Variants in ERBB4 observed in about 807,000 individuals in gnomAD.
ERBB4 encodes receptor tyrosine-protein kinase erbB-4.
ERBB4 carries 42 observed loss-of-function variants against 158.0 expected under a neutral mutation model. The observed-to-expected ratio is 0.27, with a 90% CI of 0.21 to 0.34. The LOEUF (loss-of-function observed/expected upper bound fraction) is 0.34, where lower values mean the gene tolerates loss of function less well. Among genes scored for constraint, ERBB4 ranks in the 10% least tolerant of loss-of-function variants. The probability of loss-of-function intolerance (pLI) is 1.00; values close to 1 mark genes in which losing one functional copy is unlikely to be tolerated. For synonymous variants in ERBB4, 583 were observed against 558.7 expected, an observed-to-expected ratio of 1.04 and a Z score of -0.61; for missense variants, 1,333 against 1,624.1, an observed-to-expected ratio of 0.82 and a Z score of 3.08.
chr2:212,443,204 G>C (rs2092288171), intron 1 of ERBB4, among the ~76,000 whole-genome samples: 1 of 152,154 alleles, frequency 6.6e-6, no homozygotes, highest in Non-Finnish European at 1.5e-5. Flanking sequence ...CTCCCGCTTT[G>C]TGTCATAATC....
chr2:212,325,143 A>AT (rs780729961), intron 1 of ERBB4, among the ~76,000 whole-genome samples: 15 of 150,712 alleles, frequency 1.0e-4, no homozygotes, highest in Non-Finnish European at 1.6e-4. Flanking sequence ...AATTTTATTT[A>AT]TTTTTTGAAG....
chr2:212,131,284 C>T (rs990738490), intron 1 of ERBB4, among the ~76,000 whole-genome samples: 11 of 152,244 alleles, frequency 7.2e-5, no homozygotes, highest in East Asian at 5.8e-4. Flanking sequence ...TTAATTAATT[C>T]GCAACCCAGA....
chr2:212,537,655 C>T (rs956088259), intron 1 of ERBB4, among the ~76,000 whole-genome samples: 10 of 152,044 alleles, frequency 6.6e-5, no homozygotes, highest in Admixed American at 6.6e-4. Context: ...AGGACTCCGG[C>T]CAATAGCAAG....
intron 20 of ERBB4, among the ~76,000 whole-genome samples, chr2:211,560,634 T>C (rs16846432): frequency 1.0e-3 from 155 of 152,284 alleles, no homozygotes; most frequent in African/African-American, 3.6e-3. Context: ...CTATTGCATA[T>C]TTAACTCACC....
At chr2:211,423,238 G>A (rs1371764255) in intron 23 of ERBB4, among the ~76,000 whole-genome samples, 2 of 151,922 alleles carry the variant, frequency 1.3e-5, no homozygotes, top group African/African-American at 4.8e-5. Context: ...AGTGAAAAGG[G>A]CAGGCTGACC....
intron 25 of ERBB4, among the ~76,000 whole-genome samples, chr2:211,405,838 G>C (rs3791695): frequency 0.28 from 42,807 of 151,970 alleles, 6,243 homozygotes; most frequent in East Asian, 0.38. Context: ...ATCTACTTAT[G>C]TTTTAAAATA....
chr2:211,847,476 A>G (rs1055914327), intron 3 of ERBB4, among the ~76,000 whole-genome samples: 1 of 152,130 alleles, frequency 6.6e-6, no homozygotes, highest in African/African-American at 2.4e-5. Context: ...CCAATGCACA[A>G]CTGACTGTAA....
At chr2:211,686,037 T>G (rs1344163275) in intron 12 of ERBB4, among the ~76,000 whole-genome samples, 1 of 152,172 alleles carries the variant, frequency 6.6e-6, no homozygotes, top group Non-Finnish European at 1.5e-5. Flanking sequence ...AAATTTTTTA[T>G]GTACATAATC....
chr2:211,781,252 T>C lies in ERBB4; in HGVS notation c.556+6773A>G, dbSNP rs535228108. Reference sequence around the variant, plus strand: ...GCAATATTAATTAGGAGTGGGTCATTACTATGATATGTAAAAGTCACTGAA... The same window carrying C: ...GCAATATTAATTAGGAGTGGGTCATCACTATGATATGTAAAAGTCACTGAA... On this transcript the variant is annotated intron_variant, in intron 4 of 27. Coordinates refer to ENST00000342788, the MANE Select transcript of ERBB4 (RefSeq NM_005235.3). 5.0e-4 allele frequency among the ~76,000 whole-genome samples: 76 copies of C among 152,320 alleles called. No homozygotes were observed. The Middle Eastern group carries it at 0.01, about 20-fold the overall frequency.
rs140996314 is a variant in ERBB4, at chr2:212,155,255, C to T, written c.83-30352G>A. Among the ~76,000 whole-genome samples, 1,394 of 152,052 alleles carry T rather than the reference C, an allele frequency of 9.2e-3. 13 individuals are homozygous for T. The highest frequency in any genetic ancestry group is 0.016 in the Non-Finnish European group (1,069 of 67,988). On this transcript the variant is annotated intron_variant, in intron 1 of 27. Transcript: ENST00000342788. ...TTACCCACACAAAATATTCTATGCA[C>T]ATTTTAAATACTGTATGTATAACAT...
At chr2:212,368,854 G>A (rs1243103956) in intron 1 of ERBB4, among the ~76,000 whole-genome samples, 4 of 152,032 alleles carry the variant, frequency 2.6e-5, no homozygotes, top group South Asian at 2.1e-4. Flanking sequence ...ATATGAGCTC[G>A]GTTTTAGTAC....
At chr2:212,188,231 T>C (rs866153041) in intron 1 of ERBB4, among the ~76,000 whole-genome samples, 30 of 22,002 alleles carry the variant, frequency 1.4e-3, no homozygotes, top group African/African-American at 2.8e-3. Context: ...TCTCTCTCTC[T>C]CTCCCCCCCC....
chr2:211,564,186 G>A (rs1439369715), intron 19 of ERBB4, among the ~76,000 whole-genome samples: 2 of 152,124 alleles, frequency 1.3e-5, no homozygotes, highest in Non-Finnish European at 2.9e-5. Context: ...GTAAACATAA[G>A]CAATCTGAAG....
At chr2:212,391,642 A>AATATTAT (rs375411938) in intron 1 of ERBB4, among the ~76,000 whole-genome samples, 50,381 of 138,746 alleles carry the variant, frequency 0.36, 10,085 homozygotes, top group African/African-American at 0.5. Context: ...ATTGACATAT[A>AATATTAT]ATATTATATA....
At position 211,908,817 on chromosome 2, in the gene ERBB4, T is replaced by C. The variant is rs73077351; in HGVS notation, c.421+38613A>G. Among the ~76,000 whole-genome samples the C allele has an allele frequency of 2.6e-5, 4 of 151,546 alleles. No individual in the cohort carries two copies. The South Asian group carries it at 8.3e-4, about 31-fold the overall frequency. ...TTTATTCCTCTTTTGTGTTGTAAGA[T>C]CATCCAGAAGCATATGAACAGCATA... On this transcript the variant is annotated intron_variant, in intron 3 of 27. Coordinates refer to ENST00000342788, the MANE Select transcript of ERBB4 (RefSeq NM_005235.3).
At chr2:212,503,888 A>T (rs1252624203) in intron 1 of ERBB4, among the ~76,000 whole-genome samples, 2 of 151,522 alleles carry the variant, frequency 1.3e-5, no homozygotes, top group Non-Finnish European at 3.0e-5. Context: ...GAAAAAAAAA[A>T]TGCTGATGCA....
chr2:211,958,103 C>A (rs2081080395), intron 2 of ERBB4, among the ~76,000 whole-genome samples: 1 of 152,018 alleles, frequency 6.6e-6, no homozygotes, highest in Admixed American at 6.6e-5. Flanking sequence ...ATTTGACAAG[C>A]CTGCCAAGAC....
intron 3 of ERBB4, among the ~76,000 whole-genome samples, chr2:211,892,176 G>A (rs1472262471): frequency 1.6e-4 from 18 of 114,708 alleles, no homozygotes; most frequent in Non-Finnish European, 2.6e-4. Context: ...CTGGCAAAAC[G>A]AATCCAGCAG....
chr2:211,536,514 C>T lies in ERBB4; in HGVS notation c.2487+25389G>A, dbSNP rs1047458090. ...TTGGAAAAGTCCCACTCTCCAGGCC[C>T]TGGAGTCCAGAGATGCCTGAGCGAA... On this transcript the variant is annotated intron_variant, in intron 20 of 27. Transcript: ENST00000342788. 1.3e-4 allele frequency among the ~76,000 whole-genome samples: 20 copies of T among 152,074 alleles called. No homozygotes were observed. In the South Asian group the frequency reaches 4.1e-3, roughly 32 times the overall value.
Sources: gnomAD v4.1 joint callset for allele counts (sites outside exome capture counted in the v4.1 genomes callset) on GRCh38, gnomAD v4.1.1 for gene constraint, MANE v1.5 for transcripts, NCBI Gene and HGNC (gene_info 2026-07-23, HGNC 2026-07-21) for gene names.